The following ABCC5 variants were observed in gnomAD, a reference collection of about 807,000 sequenced individuals.
ABCC5 encodes the protein ATP binding cassette subfamily C member 5.
ABCC5 carries 61 observed loss-of-function variants against 160.9 expected under a neutral mutation model. The observed-to-expected ratio is 0.38, with a 90% CI of 0.31 to 0.47. The LOEUF (loss-of-function observed/expected upper bound fraction) is 0.47. Among genes scored for constraint, ABCC5 ranks in the 20% least tolerant of loss-of-function variants. The pLI, the probability that ABCC5 is intolerant of heterozygous loss-of-function variation, is 0.99. For missense variants in ABCC5, 1,308 were observed against 1,813.3 expected, an observed-to-expected ratio of 0.72 and a Z score of 5.06; for synonymous variants, 666 against 700.6, an observed-to-expected ratio of 0.95 and a Z score of 0.78.
At chr3:183,967,425 T>G in intron 12 of ABCC5, 1 of 418,168 alleles carries the variant, frequency 2.4e-6, no homozygotes. Flanking sequence ...ACTCAATAGA[T>G]ACATGCTGAA....
At chr3:183,948,328 G>GAT (rs3840256) in intron 22 of ABCC5, among the ~76,000 whole-genome samples, 29,491 of 152,124 alleles carry the variant, frequency 0.19, 2,988 homozygotes, top group East Asian at 0.43. Context: ...AACCAGAGTT[G>GAT]ATATTCCGCT....
At chr3:183,955,090 C>G (rs1715747618) in intron 17 of ABCC5, among the ~76,000 whole-genome samples, 2 of 152,134 alleles carry the variant, frequency 1.3e-5, no homozygotes, top group African/African-American at 4.8e-5. Flanking sequence ...ATGAAGCCTC[C>G]CAGTAGCAGA....
intron 17 of ABCC5, among the ~76,000 whole-genome samples, chr3:183,957,745 C>T (rs573353197): frequency 7.3e-5 from 11 of 151,358 alleles, no homozygotes; most frequent in South Asian, 2.1e-4. Context: ...CGGTTACATG[C>T]GGATCCGTGT....
chr3:183,938,489 G>A (rs148399913), intron 25 of ABCC5, among the ~76,000 whole-genome samples: 293 of 152,192 alleles, frequency 1.9e-3, no homozygotes, highest in African/African-American at 6.6e-3. Flanking sequence ...AGTAGAGATG[G>A]GGTTTCACCA....
chr3:183,929,199 G>A (rs538031063), intron 26 of ABCC5, among the ~76,000 whole-genome samples: 32 of 152,222 alleles, frequency 2.1e-4, no homozygotes, highest in Non-Finnish European at 3.1e-4. Flanking sequence ...TTGGGAGGCC[G>A]AGGCGGGTGG....
chr3:183,973,593 T>C (rs188585886), intron 10 of ABCC5, among the ~76,000 whole-genome samples: 4 of 152,260 alleles, frequency 2.6e-5, no homozygotes, highest in African/African-American at 7.2e-5. Context: ...CTTTCTCTCT[T>C]AGATTCTAAA....
chr3:184,005,656 A>G (rs149033002), intron 2 of ABCC5, among the ~76,000 whole-genome samples: 233 of 151,708 alleles, frequency 1.5e-3, no homozygotes, highest in African/African-American at 5.4e-3. Context: ...GGGGAGGGAT[A>G]GCATTAGGAG....
At chr3:183,992,311 G>A (rs1309682703) in intron 2 of ABCC5, among the ~76,000 whole-genome samples, 1 of 152,170 alleles carries the variant, frequency 6.6e-6, no homozygotes, top group East Asian at 1.9e-4. Flanking sequence ...AGGAGTTTGA[G>A]GCTGCAGTGA....
chr3:184,014,456 A>G lies in ABCC5; in HGVS notation c.-55-9T>C. The G allele has an allele frequency of 6.5e-7, 1 of 1,533,200 alleles. No individual in the cohort carries two copies. The highest frequency in any genetic ancestry group is 8.8e-7 in the Non-Finnish European group (1 of 1,140,276). The allele number at this position is 1,533,200 out of a possible 1,614,324, so 95.0% of individuals were successfully genotyped here. On this transcript the variant is annotated splice_polypyrimidine_tract_variant and intron_variant, in intron 1 of 29. Transcript: ENST00000334444. Reference sequence around the variant, plus strand: ...GTTTCACATCAGAATTCCTGAAATTAAAAATTCATCAAGAAATAGATTATT... The same window carrying G: ...GTTTCACATCAGAATTCCTGAAATTGAAAATTCATCAAGAAATAGATTATT...
chr3:183,925,249 T>C (rs573405494), intron 29 of ABCC5, among the ~76,000 whole-genome samples: 15 of 152,304 alleles, frequency 9.8e-5, no homozygotes, highest in African/African-American at 3.6e-4. Context: ...GGCCTAAGTA[T>C]GCCAGGGGTG....
intron 2 of ABCC5, among the ~76,000 whole-genome samples, chr3:183,995,015 C>T (rs1402989243): frequency 6.6e-6 from 1 of 151,776 alleles, no homozygotes; most frequent in Non-Finnish European, 1.5e-5. Flanking sequence ...CCACACCCAG[C>T]TAATTATTTT....
chr3:183,933,466 G>A (rs1338704108), intron 26 of ABCC5, among the ~76,000 whole-genome samples: 1 of 152,158 alleles, frequency 6.6e-6, no homozygotes, highest in East Asian at 1.9e-4. Context: ...GGAAGCACAG[G>A]GAGCTCTGGG....
chr3:183,998,324 G>A (rs890268190), intron 2 of ABCC5, among the ~76,000 whole-genome samples: 4 of 152,090 alleles, frequency 2.6e-5, no homozygotes, highest in Non-Finnish European at 4.4e-5. Flanking sequence ...TGGACCTCAG[G>A]TTGTCTTGAC....
chr3:183,959,740 T>TGG lies in ABCC5; in HGVS notation c.2473_2474dup (p.Glu826GlnfsTer44), dbSNP rs1716552779. On this transcript the variant is annotated frameshift_variant, in exon 17 of 30. Coordinates refer to ENST00000334444, the MANE Select transcript of ABCC5 (RefSeq NM_005688.4). LOFTEE classifies it high-confidence loss of function. The stretch of plus-strand genomic sequence containing the variant: ...TTCAAAAAAGGCCATTACCTTCCTC[T>TGG]GGCTTTACTGCTTTTTCCTTCTTTA... 6.2e-7 allele frequency: 1 copy of TGG among 1,607,806 alleles called. No homozygotes were observed. Among genetic ancestry groups the TGG allele is most frequent in the Non-Finnish European group, 8.5e-7 (1 of 1,177,904 alleles).
chr3:183,924,011 T>C (rs958810160), intron 29 of ABCC5, among the ~76,000 whole-genome samples: 12 of 24,552 alleles, frequency 4.9e-4, no homozygotes, highest in African/African-American at 1.5e-3. Flanking sequence ...TACTGTTTGC[T>C]TTTTTTTTTT....
chr3:183,961,571 T>G lies in ABCC5; in HGVS notation c.2319A>C (p.Leu773Phe), dbSNP rs755050237. 2.5e-6 allele frequency: 4 copies of G among 1,614,106 alleles called. No homozygotes were observed. The African/African-American group carries it at 5.3e-5, about 22-fold the overall frequency. The change falls in exon 16 of 30, where the codon TTA becomes TTC. Residue 773 changes from leucine to phenylalanine, a missense_variant. This residue lies in a region of ABCC5 where 1,142 missense variants were observed against 1,527.1 expected (regional missense o/e 0.75). Coordinates refer to ENST00000334444, the MANE Select transcript of ABCC5 (RefSeq NM_005688.4). ...TAAAAATGGTAGCATAGTCACCATT[T>G]AAATTCATCAGTTCCTCATGGGTGC... ...ERGTHEELMN[L>F]NGDYATIFNN... is the part of the protein sequence containing the mutation.
At chr3:184,001,226 C>A in intron 2 of ABCC5, 1 of 536,150 alleles carries the variant, frequency 1.9e-6, no homozygotes, top group Non-Finnish European at 3.4e-6. Context: ...GCACTACAGT[C>A]TGGGTGACAG....
intron 12 of ABCC5, 64 bp from the exon 13 acceptor site, chr3:183,965,565 C>T (rs1297869566): frequency 3.8e-6 from 6 of 1,591,180 alleles, no homozygotes; most frequent in Non-Finnish European, 4.3e-6. Context: ...GCCAACGGAA[C>T]CCCCACCTTC....
intron 15 of ABCC5, 51 bp from the exon 16 acceptor site, chr3:183,961,705 C>A (rs765021786): frequency 2.0e-5 from 32 of 1,604,384 alleles, no homozygotes; most frequent in East Asian, 8.9e-5. Context: ...CAAATACATT[C>A]AAAAACCCAT....
Sources: gnomAD v4.1 joint callset for allele counts (sites outside exome capture counted in the v4.1 genomes callset) on GRCh38, gnomAD v4.1.1 for gene constraint, gnomAD v4.1.1 regional missense constraint, MANE v1.5 for transcripts, NCBI Gene and HGNC (gene_info 2026-07-23, HGNC 2026-07-21) for gene names.